The following PROX1 variants were observed in gnomAD, a reference collection of about 807,000 sequenced individuals.
PROX1 encodes the protein prospero homeobox 1, also known as prospero homeobox protein 1.
Under a neutral mutation model 58.8 loss-of-function variants are expected in PROX1, and 7 were observed. That is an observed-to-expected ratio of 0.12 (90% CI 0.07 to 0.22). The LOEUF (loss-of-function observed/expected upper bound fraction) is 0.22, where lower values mean the gene tolerates loss of function less well. PROX1 is among the 10% of genes least tolerant of loss of function. The probability of loss-of-function intolerance (pLI) is 1.00; values close to 1 mark genes in which losing one functional copy is unlikely to be tolerated. For synonymous variants in PROX1, 350 were observed against 358.3 expected (o/e 0.98, Z 0.26); for missense variants, 675 against 927.8 (o/e 0.73, Z 3.54).
intron 4 of PROX1, among the ~76,000 whole-genome samples, chr1:214,032,830 A>G (rs1017479706): frequency 6.6e-6 from 1 of 152,336 alleles, no homozygotes; most frequent in South Asian, 2.1e-4. Context: ...CACAAATGCA[A>G]AAGGTGATAA....
At chr1:214,002,251 A>G (rs556929010) in intron 2 of PROX1, among the ~76,000 whole-genome samples, 2 of 152,186 alleles carry the variant, frequency 1.3e-5, no homozygotes, top group South Asian at 2.1e-4. Flanking sequence ...AGGTAAGGTT[A>G]TATTGTACTT....
intron 3 of PROX1, among the ~76,000 whole-genome samples, chr1:214,008,676 C>G (rs907836599): frequency 6.6e-6 from 1 of 152,124 alleles, no homozygotes; most frequent in Admixed American, 6.6e-5. Flanking sequence ...TTTCAATTAC[C>G]TTGGAACGAA....
upstream of PROX1, chr1:213,985,033 G>A (rs1489920355): frequency 6.6e-6 from 1 of 152,264 alleles, no homozygotes; most frequent in Non-Finnish European, 1.5e-5. Context: ...ATAACTGCGA[G>A]TTTGTCTAAG....
intron 2 of PROX1, among the ~76,000 whole-genome samples, chr1:214,000,588 A>C (rs1158464498): frequency 6.6e-6 from 1 of 152,058 alleles, no homozygotes; most frequent in Admixed American, 6.6e-5. Context: ...TAGTGATTAC[A>C]TTTTCCACCT....
upstream of PROX1, chr1:213,987,686 G>C (rs1662860211): frequency 7.4e-6 from 1 of 134,442 alleles, no homozygotes; most frequent in Admixed American, 7.1e-5. Context: ...CGATCCAGTC[G>C]TCCCGAAGCT....
Position 213,996,466 on chromosome 1 carries a change from C to T in PROX1, c.-67-3C>T. ...TCATCAGTCCTTTTGTTCTGTTGGC[C>T]AGGGTCCCGGGATTCTTGAGCTGTG... On this transcript the variant is annotated splice_region_variant and splice_polypyrimidine_tract_variant and intron_variant, in intron 1 of 4. Coordinates refer to ENST00000366958, the MANE Select transcript of PROX1 (RefSeq NM_001270616.2). 5.3e-6 allele frequency: 8 copies of T among 1,511,766 alleles called. No individual in the cohort carries two copies. The highest frequency in any genetic ancestry group is 7.1e-6 in the Non-Finnish European group (8 of 1,125,990). The allele number at this position is 1,511,766 out of a possible 1,614,324, so 93.6% of individuals were successfully genotyped here.
At chr1:214,035,574 G>C in intron 4 of PROX1, 75 bp from the exon 5 acceptor site, 1 of 1,435,192 alleles carries the variant, frequency 7.0e-7, no homozygotes, top group South Asian at 1.5e-5. Flanking sequence ...AATGATCTTA[G>C]CTCAGTTTCC....
chr1:214,020,766 A>G (rs566594249), intron 4 of PROX1, among the ~76,000 whole-genome samples: 1 of 152,366 alleles, frequency 6.6e-6, no homozygotes, highest in African/African-American at 2.4e-5. Context: ...AAATGTCTCC[A>G]TCTTTGAGCA....
intron 4 of PROX1, among the ~76,000 whole-genome samples, chr1:214,026,357 C>T (rs1277464390): frequency 6.6e-6 from 1 of 152,170 alleles, no homozygotes; most frequent in Non-Finnish European, 1.5e-5. Context: ...ATAATTTTGA[C>T]AGTCTCTCAT....
At position 214,035,668 on chromosome 1, in the gene PROX1, A is replaced by G. The variant is rs1664805768; in HGVS notation, c.2048A>G (p.Glu683Gly). Residue 683 changes from glutamate (E) to glycine (G), a missense_variant, in exon 5 of 5, where the codon GAA becomes GGA. Transcript: ENST00000366958. ...CAGCAGGTTCCAGAGAGATTCCTGG[A>G]AGTTGCTCAGATCACATTACGGGAG... ...NDFEVPERFL[E>G]VAQITLREFF... The G allele has an allele frequency of 6.2e-7, 1 of 1,612,986 alleles. No individual in the cohort carries two copies. Among genetic ancestry groups the G allele is most frequent in the Non-Finnish European group, 8.5e-7 (1 of 1,179,502 alleles).
In PROX1 at chr1:214,036,018, G is replaced by T; in HGVS notation, c.*184G>T. 2.0e-6 allele frequency: 1 copy of T among 505,152 alleles called. No homozygotes were observed. The highest frequency in any genetic ancestry group is 3.5e-5 in the East Asian group (1 of 28,816). 31.3% of individuals were successfully genotyped at this position (505,152 alleles called of 1,614,324 possible). On this transcript the variant is annotated 3_prime_UTR_variant, in exon 5 of 5. Coordinates refer to ENST00000366958, the MANE Select transcript of PROX1 (RefSeq NM_001270616.2). ...TTTCTTTTGTTTTCCATTGCAAGGGGATGGTTGTTTTCTTTCTGCCTTTAG... is the reference window on the plus strand; with the variant it reads ...TTTCTTTTGTTTTCCATTGCAAGGGTATGGTTGTTTTCTTTCTGCCTTTAG...
At chr1:214,031,562 G>GAGATA (rs1223314686) in intron 4 of PROX1, among the ~76,000 whole-genome samples, 1 of 152,146 alleles carries the variant, frequency 6.6e-6, no homozygotes, top group Non-Finnish European at 1.5e-5. Flanking sequence ...TGATGCTGAG[G>GAGATA]AGATACTCTA....
intron 4 of PROX1, chr1:214,029,255 C>T (rs1418382454): frequency 6.6e-6 from 1 of 152,238 alleles, no homozygotes; most frequent in African/African-American, 2.4e-5. Flanking sequence ...TGCCCATTCT[C>T]TTTTTAACTT....
intron 4 of PROX1, among the ~76,000 whole-genome samples, chr1:214,033,630 G>C (rs1372077649): frequency 6.6e-6 from 1 of 152,150 alleles, no homozygotes; most frequent in Non-Finnish European, 1.5e-5. Context: ...CTATGATTAT[G>C]TTTCTGTAGC....
chr1:214,005,488 G>A (rs936031496), intron 3 of PROX1, among the ~76,000 whole-genome samples: 3 of 152,310 alleles, frequency 2.0e-5, no homozygotes, highest in East Asian at 1.9e-4. Context: ...AGTTGCATGG[G>A]TTTCCAATGT....
At chr1:214,010,276 T>G (rs1663862578) in intron 3 of PROX1, among the ~76,000 whole-genome samples, 1 of 152,212 alleles carries the variant, frequency 6.6e-6, no homozygotes, top group South Asian at 2.1e-4. Context: ...GTTGGCCTTT[T>G]GGGAGAAACA....
intron 4 of PROX1, among the ~76,000 whole-genome samples, chr1:214,015,712 G>GCTTCCCAGTTTTTA (rs1664070909): frequency 6.6e-6 from 1 of 152,180 alleles, no homozygotes; most frequent in Non-Finnish European, 1.5e-5. Context: ...GCGAAAGGCA[G>GCTTCCCAGTTTTTA]AATCATCCAA....
At chr1:214,018,006 T>C (rs184567102) in intron 4 of PROX1, among the ~76,000 whole-genome samples, 2 of 152,328 alleles carry the variant, frequency 1.3e-5, no homozygotes, top group Admixed American at 1.3e-4. Flanking sequence ...TAGCTTTCAG[T>C]GGGATGTTAT....
chr1:214,012,399 T>C (rs1663942435), intron 4 of PROX1, among the ~76,000 whole-genome samples: 1 of 151,902 alleles, frequency 6.6e-6, no homozygotes, highest in Non-Finnish European at 1.5e-5. Context: ...GTGTATATTC[T>C]AGATCCACAC....
Sources: gnomAD v4.1 joint callset for allele counts (sites outside exome capture counted in the v4.1 genomes callset) on GRCh38, gnomAD v4.1.1 for gene constraint, MANE v1.5 for transcripts, NCBI Gene and HGNC (gene_info 2026-07-23, HGNC 2026-07-21) for gene names.